ZC2HC1A: variants seen among roughly 807,000 people sequenced by gnomAD.
ZC2HC1A encodes zinc finger C2HC-type containing 1A.
A neutral mutation model predicts 40.7 loss-of-function variants in ZC2HC1A; 28 were observed. The observed-to-expected ratio is 0.69, with a 90% CI of 0.51 to 0.94. The LOEUF (loss-of-function observed/expected upper bound fraction) is 0.94. Among genes scored for constraint, ZC2HC1A ranks in the 40% least tolerant of loss-of-function variants. The pLI is 0.00. For synonymous variants in ZC2HC1A, 129 were observed against 129.2 expected, an observed-to-expected ratio of 1.00 and a Z score of 0.01; for missense variants, 389 against 386.3, an observed-to-expected ratio of 1.01 and a Z score of -0.06.
At chr8:78,700,200 C>T (rs1810555311) in intron 7 of ZC2HC1A, among the ~76,000 whole-genome samples, 1 of 152,134 alleles carries the variant, frequency 6.6e-6, no homozygotes, top group African/African-American at 2.4e-5. Context: ...TTTTGATTTG[C>T]GTTTCTCTAA....
intron 4 of ZC2HC1A, among the ~76,000 whole-genome samples, chr8:78,687,612 T>TTA (rs1281174211): frequency 3.0e-5 from 4 of 135,528 alleles, no homozygotes; most frequent in South Asian, 2.2e-4. Flanking sequence ...ACATAATACA[T>TTA]TATATATATT....
At chr8:78,702,186 G>A (rs928343086) in intron 7 of ZC2HC1A, among the ~76,000 whole-genome samples, 5 of 152,054 alleles carry the variant, frequency 3.3e-5, no homozygotes, top group African/African-American at 1.2e-4. Flanking sequence ...ATTTCTTCCT[G>A]GTTCAGTCTT....
intron 8 of ZC2HC1A, among the ~76,000 whole-genome samples, chr8:78,716,972 T>C (rs944647227): frequency 6.6e-6 from 1 of 152,116 alleles, no homozygotes; most frequent in Admixed American, 6.5e-5. Flanking sequence ...TCCTGAGGCC[T>C]CCCCAACCAA....
At chr8:78,684,258 G>A (rs1809881471) in intron 3 of ZC2HC1A, among the ~76,000 whole-genome samples, 1 of 152,182 alleles carries the variant, frequency 6.6e-6, no homozygotes, top group African/African-American at 2.4e-5. Context: ...AAGAAAAAGA[G>A]GTGTAACAGA....
chr8:78,670,843 A>G (rs533507439), intron 1 of ZC2HC1A, among the ~76,000 whole-genome samples: 1 of 152,334 alleles, frequency 6.6e-6, no homozygotes, highest in South Asian at 2.1e-4. Flanking sequence ...TGAGTCGGGT[A>G]GGCATTGACT....
At chr8:78,676,154 T>C (rs1809573299) in intron 2 of ZC2HC1A, 1 of 218,114 alleles carries the variant, frequency 4.6e-6, no homozygotes, top group African/African-American at 2.3e-5. Flanking sequence ...TCAGATACCT[T>C]AGAAATAAGT....
intron 5 of ZC2HC1A, among the ~76,000 whole-genome samples, chr8:78,693,150 G>T (rs538703456): frequency 6.6e-6 from 1 of 152,020 alleles, no homozygotes; most frequent in Non-Finnish European, 1.5e-5. Context: ...ATTTGGGTTG[G>T]TTCCAAGTCT....
intron 2 of ZC2HC1A, among the ~76,000 whole-genome samples, chr8:78,676,927 CAT>C (rs1387297979): frequency 6.6e-6 from 1 of 152,008 alleles, no homozygotes; most frequent in Non-Finnish European, 1.5e-5. Flanking sequence ...ATACACTTGA[CAT>C]ATATAACTTA....
intron 7 of ZC2HC1A, among the ~76,000 whole-genome samples, chr8:78,700,095 A>G (rs1365819517): frequency 6.6e-6 from 1 of 152,138 alleles, no homozygotes. Flanking sequence ...ATGTATAAGC[A>G]TTCCTTTTTT....
chr8:78,691,561 A>AT (rs1488484013), intron 5 of ZC2HC1A, among the ~76,000 whole-genome samples: 1 of 151,918 alleles, frequency 6.6e-6, no homozygotes, highest in Non-Finnish European at 1.5e-5. Context: ...ATTGCCTGTC[A>AT]TTTACATTTG....
At chr8:78,667,818 T>C (rs1416555364) in intron 1 of ZC2HC1A, among the ~76,000 whole-genome samples, 2 of 152,184 alleles carry the variant, frequency 1.3e-5, no homozygotes, top group Non-Finnish European at 2.9e-5. Flanking sequence ...TTTTAAAATA[T>C]AATGGAAACC....
intron 5 of ZC2HC1A, among the ~76,000 whole-genome samples, chr8:78,693,724 C>G (rs1810299792): frequency 6.6e-6 from 1 of 152,148 alleles, no homozygotes; most frequent in Non-Finnish European, 1.5e-5. Flanking sequence ...TGTGCAGAAG[C>G]TCTTTAGTTG....
intron 5 of ZC2HC1A, among the ~76,000 whole-genome samples, chr8:78,692,061 C>T (rs1453329019): frequency 6.6e-6 from 1 of 152,108 alleles, no homozygotes; most frequent in Non-Finnish European, 1.5e-5. Flanking sequence ...AATTTTTTCT[C>T]TTTGCAATTT....
At position 78,675,798 on chromosome 8, in the gene ZC2HC1A, G is replaced by A. The variant is rs1212893275; in HGVS notation, c.28G>A (p.Val10Ile). Reference sequence around the variant, plus strand: ...CCTTCCTGTTTTAGAGAATGGAGGTGTTGTCCAAGTTGGAGAATTGTTACC... The same window carrying A: ...CCTTCCTGTTTTAGAGAATGGAGGTATTGTCCAAGTTGGAGAATTGTTACC... MEGLEENGG[V>I]VQVGELLPCK... The change falls in exon 2 of 9, where the codon GTT becomes ATT. Residue 10 changes from valine to isoleucine, a missense_variant. Val to Ile is a conservative substitution (Grantham distance 29, BLOSUM62 3). Coordinates refer to ENST00000263849, the MANE Select transcript of ZC2HC1A (RefSeq NM_016010.3). The A allele has an allele frequency of 2.5e-6, 4 of 1,608,350 alleles. No homozygotes were observed. Among genetic ancestry groups the A allele is most frequent in the African/African-American group, 1.3e-5 (1 of 74,596 alleles).
chr8:78,694,105 G>A (rs1227201700), intron 5 of ZC2HC1A, among the ~76,000 whole-genome samples: 1 of 151,632 alleles, frequency 6.6e-6, no homozygotes, highest in Non-Finnish European at 1.5e-5. Context: ...TCTGTTTTGT[G>A]TTTTTAATTT....
chr8:78,689,282 T>C lies in ZC2HC1A; in HGVS notation c.413T>C (p.Ile138Thr), dbSNP rs1810128634. The change falls in exon 5 of 9, where the codon ATA becomes ACA. Residue 138 changes from isoleucine to threonine, a missense_variant. Coordinates refer to ENST00000263849, the MANE Select transcript of ZC2HC1A (RefSeq NM_016010.3). ...AATGAAAATGCAGCTGATAGACATA[T>C]AAATTTCTGTAAAGAACAGGCAGCA... ...RFNENAADRHINFCKEQAARI... is the reference protein window; with the variant it reads ...RFNENAADRHTNFCKEQAARI... The C allele has an allele frequency of 2.5e-6, 4 of 1,601,728 alleles. No homozygotes were observed. The highest frequency in any genetic ancestry group is 2.3e-5 in the East Asian group (1 of 43,988).
chr8:78,687,772 A>ATATATATATTTACGTAATACAT lies in ZC2HC1A; in HGVS notation c.352+1175_352+1196dup, dbSNP rs761450616. 2.5e-3 allele frequency among the ~76,000 whole-genome samples: 64 copies of ATATATATATTTACGTAATACAT among 25,860 alleles called. 1 individual carries two copies. Among genetic ancestry groups the ATATATATATTTACGTAATACAT allele is most frequent in the African/African-American group, 8.2e-3 (62 of 7,540 alleles). The allele number at this position is 25,860 out of a possible 152,430, so 17.0% of individuals were successfully genotyped here. On this transcript the variant is annotated intron_variant, in intron 4 of 8. Transcript: ENST00000263849. ...ATTATATATATTTACGTAAGACATTATATATATATTTACGTAATACATTAT... is the reference window on the plus strand; with the variant it reads ...ATTATATATATTTACGTAAGACATTATATATATATTTACGTAATACATTATATATATTTACGTAATACATTAT...
intron 3 of ZC2HC1A, among the ~76,000 whole-genome samples, chr8:78,683,592 G>A (rs1737239607): frequency 6.6e-6 from 1 of 152,080 alleles, no homozygotes. Flanking sequence ...TCCCTTCTAG[G>A]CCTCTGAACC....
intron 7 of ZC2HC1A, among the ~76,000 whole-genome samples, chr8:78,706,685 C>T (rs958248015): frequency 6.6e-6 from 1 of 152,104 alleles, no homozygotes; most frequent in African/African-American, 2.4e-5. Flanking sequence ...GATGAAGGTG[C>T]TGTATTTACT....
Sources: gnomAD v4.1 joint callset for allele counts (sites outside exome capture counted in the v4.1 genomes callset) on GRCh38, gnomAD v4.1.1 for gene constraint, MANE v1.5 for transcripts, NCBI Gene and HGNC (gene_info 2026-07-23, HGNC 2026-07-21) for gene names.